The following AHCTF1 variants were observed in gnomAD, a reference collection of about 807,000 sequenced individuals.
The protein encoded by AHCTF1 is AT-hook containing transcription factor 1, also known as protein ELYS.
A neutral mutation model predicts 248.4 loss-of-function variants in AHCTF1; 24 were observed. The ratio of observed to expected loss-of-function variants is 0.10; its 90% CI spans 0.07 to 0.14. AHCTF1 has a LOEUF of 0.14. Among genes scored for constraint, AHCTF1 ranks in the 10% least tolerant of loss-of-function variants. The probability of loss-of-function intolerance (pLI) is 1.00; values close to 1 mark genes in which losing one functional copy is unlikely to be tolerated. For synonymous variants in AHCTF1, 786 were observed against 929.8 expected, an observed-to-expected ratio of 0.85 and a Z score of 2.81; for missense variants, 2,206 against 2,636.2, an observed-to-expected ratio of 0.84 and a Z score of 3.57.
chr1:246,892,301 C>CT (rs74163502), intron 14 of AHCTF1, among the ~76,000 whole-genome samples: 5,634 of 64,958 alleles, frequency 0.087, 1,176 homozygotes, highest in Non-Finnish European at 0.13. Flanking sequence ...ATTTGTTTTA[C>CT]TTTTTTTTTT....
intron 24 of AHCTF1, among the ~76,000 whole-genome samples, chr1:246,868,771 A>G (rs56196643): frequency 0.04 from 6,093 of 152,118 alleles, 161 homozygotes; most frequent in Non-Finnish European, 0.055. Context: ...CAGCCAATAA[A>G]AAAGTACCAC....
At chr1:246,842,092 C>T (rs1386634956) in intron 35 of AHCTF1, among the ~76,000 whole-genome samples, 1 of 152,098 alleles carries the variant, frequency 6.6e-6, no homozygotes, top group African/African-American at 2.4e-5. Context: ...CACGCCCGAC[C>T]TCCCATGTTC....
Position 246,850,131 on chromosome 1 carries a change from A to G in AHCTF1, c.5875T>C (p.Leu1959=), listed in dbSNP as rs754134696. The part of the protein sequence containing the change: ...REDSNLESSQ[L]TVQAEFDMSA... ...ATATCAAATTCTGCTTGAACAGTCA[A>G]CTGAGATGACTCAAGGTTGGAGTCT... Residue 1959 remains leucine, a synonymous_variant, in exon 33 of 36, where the codon TTG becomes CTG. Coordinates refer to ENST00000648844, the MANE Select transcript of AHCTF1 (RefSeq NM_001323342.2). 6.2e-7 allele frequency: 1 copy of G among 1,613,862 alleles called. No individual in the cohort carries two copies. The highest frequency in any genetic ancestry group is 2.2e-5 in the East Asian group (1 of 44,850).
intron 33 of AHCTF1, among the ~76,000 whole-genome samples, chr1:246,844,326 T>G (rs1415366370): frequency 1.3e-5 from 2 of 152,248 alleles, no homozygotes; most frequent in Non-Finnish European, 2.9e-5. Flanking sequence ...AGACGTTATT[T>G]ACAAAGTAGG....
rs370145552 is a variant in AHCTF1, at chr1:246,900,333, A to C, written c.1250+4T>G. 6 of 1,587,878 alleles carry C rather than the reference A, an allele frequency of 3.8e-6. No homozygotes were observed. In the African/African-American group the frequency reaches 8.2e-5, roughly 22 times the overall value. ...AAAGGAGAGAGAAAAAAAAAGAATCATACCTTAACGAATCTGGCATTTGTG... is the reference window on the plus strand; with the variant it reads ...AAAGGAGAGAGAAAAAAAAAGAATCCTACCTTAACGAATCTGGCATTTGTG... On this transcript the variant is annotated splice_donor_region_variant and intron_variant, in intron 9 of 35. Coordinates refer to ENST00000648844, the MANE Select transcript of AHCTF1 (RefSeq NM_001323342.2).
At chr1:246,867,901 C>CACACACA (rs1553291133) in intron 24 of AHCTF1, 90 bp from the exon 25 acceptor site, 4 of 313,838 alleles carry the variant, frequency 1.3e-5, no homozygotes, top group African/African-American at 9.6e-5. Context: ...ACCCCCCCCC[C>CACACACA]CACACACACA....
Position 246,855,741 on chromosome 1 carries a change from T to C in AHCTF1, c.4343A>G (p.Asn1448Ser), listed in dbSNP as rs946029572. 9 of 1,610,452 alleles carry C rather than the reference T, an allele frequency of 5.6e-6. No homozygotes were observed. The highest frequency in any genetic ancestry group is 7.6e-6 in the Non-Finnish European group (9 of 1,178,118). The part of the protein sequence containing the change: ...VETYTPAIRA[N>S]DNKSMADVLG... The stretch of plus-strand genomic sequence containing the variant: ...ATTATTATACATACATTTATTGTCA[T>C]TTGCTCTAATTGCAGGGGTGTAGGT... The change falls in exon 31 of 36, where the codon AAT (asparagine) becomes AGT (serine). Residue 1448 changes from asparagine to serine, a missense_variant. This residue lies in a region of AHCTF1 where 955 missense variants were observed against 1,055.6 expected (regional missense o/e 0.90). Transcript: ENST00000648844.
chr1:246,903,837 CAAAA>C (rs34620854), intron 7 of AHCTF1, 108 bp downstream of exon 7: 2,647 of 619,848 alleles, frequency 4.3e-3, no homozygotes, highest in South Asian at 7.1e-3. Context: ...GACTCTGTCT[CAAAA>C]AAAAAAAAAA....
chr1:246,926,042 T>A (rs1666899365), intron 1 of AHCTF1, among the ~76,000 whole-genome samples: 1 of 128,208 alleles, frequency 7.8e-6, no homozygotes, highest in South Asian at 2.7e-4. Flanking sequence ...TGAGACCCTG[T>A]CTTTAAAAAA....
intron 14 of AHCTF1, among the ~76,000 whole-genome samples, chr1:246,893,670 G>A (rs548037969): frequency 6.6e-6 from 1 of 152,304 alleles, no homozygotes; most frequent in East Asian, 1.9e-4. Context: ...ATGGAGGACA[G>A]CAGTGATGCA....
intron 13 of AHCTF1, among the ~76,000 whole-genome samples, chr1:246,895,109 C>T (rs566203399): frequency 6.6e-6 from 1 of 151,926 alleles, no homozygotes; most frequent in East Asian, 1.9e-4. Context: ...CAATTACATA[C>T]AAACTATTCT....
In AHCTF1 at chr1:246,887,193, G is replaced by A. The variant is rs750710937; in HGVS notation, c.2472+18C>T. 3.2e-6 allele frequency: 5 copies of A among 1,583,660 alleles called. No individual in the cohort carries two copies. Among genetic ancestry groups the A allele is most frequent in the South Asian group, 1.2e-5 (1 of 85,028 alleles). ...CTAGTAATTCATGAAAGTTTATGCT[G>A]TAAGTGAATAGACTTACCTCATAGT... On this transcript the variant is annotated intron_variant, in intron 20 of 35. Coordinates refer to ENST00000648844, the MANE Select transcript of AHCTF1 (RefSeq NM_001323342.2).
chr1:246,897,212 C>G (rs1037303095), intron 12 of AHCTF1, among the ~76,000 whole-genome samples: 7 of 152,090 alleles, frequency 4.6e-5, no homozygotes, highest in Admixed American at 2.6e-4. Context: ...ACTCAGGAGG[C>G]TGAGGCAGGA....
chr1:246,842,643 C>A (rs777223927), intron 35 of AHCTF1, 51 bp downstream of exon 35: 3 of 1,488,674 alleles, frequency 2.0e-6, no homozygotes, highest in Non-Finnish European at 2.8e-6. Context: ...GGGGACAGAG[C>A]GAGACTGTCT....
chr1:246,901,578 C>T (rs1202312543), intron 8 of AHCTF1, among the ~76,000 whole-genome samples: 3 of 152,122 alleles, frequency 2.0e-5, no homozygotes, highest in South Asian at 2.1e-4. Flanking sequence ...GAGCTGAGAT[C>T]GTGCAACTGC....
intron 4 of AHCTF1, among the ~76,000 whole-genome samples, chr1:246,908,711 C>G (rs1248245224): frequency 6.9e-6 from 1 of 144,096 alleles, no homozygotes; most frequent in Non-Finnish European, 1.5e-5. Context: ...CACGGTGAAA[C>G]CCAGTCTCTA....
intron 24 of AHCTF1, among the ~76,000 whole-genome samples, chr1:246,868,928 T>C (rs1218757995): frequency 2.0e-5 from 3 of 150,784 alleles, no homozygotes; most frequent in Non-Finnish European, 4.4e-5. Context: ...CACTGCAAGT[T>C]CTGCCTCCCG....
intron 20 of AHCTF1, among the ~76,000 whole-genome samples, chr1:246,886,901 A>C (rs529068212): frequency 6.6e-6 from 1 of 152,304 alleles, no homozygotes; most frequent in East Asian, 1.9e-4. Context: ...ATCAAGGCCA[A>C]ATCTTGCCTT....
rs1290501388 is a variant in AHCTF1, at chr1:246,849,741, A to C, written c.6265T>G (p.Ser2089Ala). ...EQEERLLATA[S>A]FTKSSRSSRT... is the part of the protein sequence containing the mutation. ...CTGCTGCGGGATGATTTAGTGAAGG[A>C]AGCTGTGGCGAGCAATCTTTCTTCC... is the stretch of plus-strand genomic sequence containing the variant. The change falls in exon 33 of 36, where the codon TCC (serine) becomes GCC (alanine). Residue 2089 changes from serine to alanine, a missense_variant. Ser to Ala is a moderately conservative substitution (Grantham distance 99, BLOSUM62 1). This residue lies in a region of AHCTF1 where 469 missense variants were observed against 470.0 expected (regional missense o/e 1.00). Transcript: ENST00000648844. The C allele has an allele frequency of 5.0e-6, 8 of 1,613,986 alleles. No individual in the cohort carries two copies. Among genetic ancestry groups the C allele is most frequent in the Non-Finnish European group, 6.8e-6 (8 of 1,179,862 alleles).
Sources: allele counts gnomAD v4.1 joint callset (sites outside exome capture counted in the v4.1 genomes callset), GRCh38; gene constraint gnomAD v4.1.1; regional missense constraint gnomAD v4.1.1; transcripts MANE v1.5; gene names NCBI Gene and HGNC (gene_info 2026-07-23, HGNC 2026-07-21).